Variants in GLCCI1 observed in about 807,000 individuals in gnomAD.
The protein encoded by GLCCI1 is glucocorticoid-induced transcript 1 protein.
In GLCCI1, 24 loss-of-function variants were observed where a neutral mutation model predicts 52.2. The ratio of observed to expected loss-of-function variants is 0.46; its 90% CI spans 0.33 to 0.65. The LOEUF (loss-of-function observed/expected upper bound fraction) is 0.65, where lower values mean the gene tolerates loss of function less well. Among genes scored for constraint, GLCCI1 ranks in the 30% least tolerant of loss-of-function variants. GLCCI1 has a pLI of 0.02. For missense variants in GLCCI1, 704 were observed against 701.5 expected (o/e 1.00, Z -0.04); for synonymous variants, 310 against 276.5 (o/e 1.12, Z -1.20).
intron 4 of GLCCI1, among the ~76,000 whole-genome samples, chr7:8,059,781 G>A (rs562185944): frequency 1.3e-5 from 2 of 152,252 alleles, no homozygotes; most frequent in South Asian, 2.1e-4. Flanking sequence ...TGCTGTTCCC[G>A]TGAAATAGAA....
rs183852835 is a variant in GLCCI1 at position 7,977,155 on chromosome 7, A to G, written c.457+7348A>G. On this transcript the variant is annotated intron_variant, in intron 1 of 7. Transcript: ENST00000223145. ...TAAAAAATTAGCTTTCTGATGAAAC[A>G]TTTTCTAACGTCATTACACACTTGA... Among the ~76,000 whole-genome samples the G allele has an allele frequency of 4.0e-3, 607 of 152,324 alleles. 6 individuals are homozygous for G. Among genetic ancestry groups the G allele is most frequent in the Non-Finnish European group, 5.0e-3 (341 of 68,034 alleles).
At chr7:8,018,597 G>A (rs906695644) in intron 2 of GLCCI1, among the ~76,000 whole-genome samples, 2 of 152,108 alleles carry the variant, frequency 1.3e-5, no homozygotes, top group African/African-American at 2.4e-5. Context: ...CCTAGAGGTT[G>A]GAAAGAAATT....
At chr7:7,990,212 A>G (rs1780810821) in intron 1 of GLCCI1, among the ~76,000 whole-genome samples, 1 of 152,096 alleles carries the variant, frequency 6.6e-6, no homozygotes, top group African/African-American at 2.4e-5. Flanking sequence ...TAAAACTATC[A>G]TCTGAGATTA....
At chr7:8,064,450 C>T (rs557306700) in intron 5 of GLCCI1, among the ~76,000 whole-genome samples, 9 of 152,212 alleles carry the variant, frequency 5.9e-5, no homozygotes, top group African/African-American at 1.7e-4. Context: ...CTCTTCTGTT[C>T]CATTGGTCTA....
chr7:8,058,136 A>G (rs1161928013), intron 4 of GLCCI1, among the ~76,000 whole-genome samples: 1 of 152,212 alleles, frequency 6.6e-6, no homozygotes, highest in African/African-American at 2.4e-5. Context: ...GTATAAACAT[A>G]CCCAAATTCA....
intron 5 of GLCCI1, among the ~76,000 whole-genome samples, chr7:8,066,347 G>A (rs1007437610): frequency 6.6e-6 from 1 of 151,882 alleles, no homozygotes; most frequent in Non-Finnish European, 1.5e-5. Flanking sequence ...GCAGGGATTC[G>A]TTAATCTTTT....
intron 5 of GLCCI1, among the ~76,000 whole-genome samples, chr7:8,069,236 A>T (rs1782700047): frequency 6.6e-6 from 1 of 151,962 alleles, no homozygotes; most frequent in Non-Finnish European, 1.5e-5. Context: ...AAATAGCAGA[A>T]CTGCTGCCAG....
At chr7:7,986,401 T>A (rs1465148142) in intron 1 of GLCCI1, among the ~76,000 whole-genome samples, 1 of 151,844 alleles carries the variant, frequency 6.6e-6, no homozygotes, top group Non-Finnish European at 1.5e-5. Flanking sequence ...GGCAGGCACC[T>A]GTAGTCCCAG....
At chr7:8,009,394 A>G (rs1261752619) in intron 2 of GLCCI1, among the ~76,000 whole-genome samples, 1 of 152,164 alleles carries the variant, frequency 6.6e-6, no homozygotes, top group Non-Finnish European at 1.5e-5. Flanking sequence ...TTCTTTGTAA[A>G]GTGGTCAAGT....
intron 3 of GLCCI1, among the ~76,000 whole-genome samples, chr7:8,035,911 G>C (rs1781856742): frequency 6.6e-6 from 1 of 152,174 alleles, no homozygotes; most frequent in Non-Finnish European, 1.5e-5. Flanking sequence ...TCCACCATTG[G>C]AGTATTGAAG....
chr7:8,051,029 C>T (rs1203007189), intron 3 of GLCCI1, among the ~76,000 whole-genome samples: 2 of 152,112 alleles, frequency 1.3e-5, no homozygotes, highest in African/African-American at 4.8e-5. Flanking sequence ...TTAATTGACA[C>T]AGTCATCAAA....
intron 4 of GLCCI1, 69 bp downstream of exon 4, chr7:8,055,618 CAGCATTTAAAAAAACCCATAA>C (rs1782370297): frequency 1.1e-6 from 1 of 912,316 alleles, no homozygotes; most frequent in Non-Finnish European, 1.8e-6. Flanking sequence ...TTCATCATTT[CAGCATTTAAAAAAACCCATAA>C]ATATTTAGCT....
At chr7:8,074,865 C>T (rs1782842614) in intron 6 of GLCCI1, among the ~76,000 whole-genome samples, 1 of 151,902 alleles carries the variant, frequency 6.6e-6, no homozygotes, top group African/African-American at 2.4e-5. Flanking sequence ...ATTTGGAGTA[C>T]CTACATGTTC....
Position 7,969,184 on chromosome 7 carries a change from G to T in GLCCI1, c.-167G>T, listed in dbSNP as rs1780279158. On this transcript the variant is annotated 5_prime_UTR_variant, in exon 1 of 8. Coordinates refer to ENST00000223145, the MANE Select transcript of GLCCI1 (RefSeq NM_138426.4). The surrounding 1 kb of genome is among the most constrained non-coding windows in gnomAD (Gnocchi z 4.9). ...CTCCCCCCTCGCCGAGGCGGCGGGG[G>T]TGTGCGTTGGGGAGGGGGAGCCCCG... 2 of 632,084 alleles carry T rather than the reference G, an allele frequency of 3.2e-6. No homozygotes were observed. The highest frequency in any genetic ancestry group is 4.3e-6 in the Non-Finnish European group (2 of 467,906). The allele number at this position is 632,084 out of a possible 1,614,324, so 39.2% of individuals were successfully genotyped here. A position where few individuals can be genotyped will look rare whatever the true frequency, so the allele number is the denominator to read the frequency against.
chr7:8,020,791 A>T (rs1005578075), intron 2 of GLCCI1, among the ~76,000 whole-genome samples: 2 of 152,184 alleles, frequency 1.3e-5, no homozygotes, highest in Non-Finnish European at 2.9e-5. Context: ...GACAGGTAAA[A>T]CCATTAAGTT....
At chr7:8,056,727 T>A (rs1336598607) in intron 4 of GLCCI1, among the ~76,000 whole-genome samples, 1 of 152,168 alleles carries the variant, frequency 6.6e-6, no homozygotes, top group Non-Finnish European at 1.5e-5. Context: ...GAATTACACT[T>A]GATAAAAACT....
chr7:8,053,085 G>A (rs1037445712), intron 3 of GLCCI1, among the ~76,000 whole-genome samples: 1 of 151,552 alleles, frequency 6.6e-6, no homozygotes, highest in South Asian at 2.1e-4. Context: ...GACAAAAATA[G>A]CAAGTAAACA....
At chr7:8,040,118 GAATGTATGAATGGCAGATGACCACATGAA>G (rs890160998) in intron 3 of GLCCI1, among the ~76,000 whole-genome samples, 17 of 152,018 alleles carry the variant, frequency 1.1e-4, no homozygotes, top group African/African-American at 4.1e-4. Context: ...TCATCAAAGA[GAATGTATGAATGGCAGATGACCACATGAA>G]AAGGTGTTCA....
intron 3 of GLCCI1, among the ~76,000 whole-genome samples, chr7:8,024,291 G>A (rs1454252082): frequency 6.6e-6 from 1 of 152,082 alleles, no homozygotes; most frequent in Non-Finnish European, 1.5e-5. Flanking sequence ...TAGTATGGAT[G>A]TAGAGACCTA....
Sources: allele counts gnomAD v4.1 joint callset (sites outside exome capture counted in the v4.1 genomes callset), GRCh38; gene constraint gnomAD v4.1.1; non-coding constraint Gnocchi (gnomAD v3.1); transcripts MANE v1.5; gene names NCBI Gene and HGNC (gene_info 2026-07-23, HGNC 2026-07-21).